Variants in VAV3 observed in about 807,000 individuals in gnomAD.
The protein encoded by VAV3 is vav guanine nucleotide exchange factor 3.
In VAV3, 94 loss-of-function variants were observed where a neutral mutation model predicts 131.2. The ratio of observed to expected loss-of-function variants is 0.72; its 90% CI spans 0.61 to 0.85. The LOEUF is 0.85. Among genes scored for constraint, VAV3 ranks in the 40% least tolerant of loss-of-function variants. The probability of loss-of-function intolerance (pLI) is 0.00; values close to 1 mark genes in which losing one functional copy is unlikely to be tolerated. For synonymous variants in VAV3, 349 were observed against 342.0 expected (o/e 1.02, Z -0.22); for missense variants, 939 against 1,002.7 (o/e 0.94, Z 0.86).
intron 1 of VAV3, among the ~76,000 whole-genome samples, chr1:107,912,209 A>C (rs1454984941): frequency 6.6e-6 from 1 of 152,216 alleles, no homozygotes; most frequent in Admixed American, 6.5e-5. Context: ...AAAAAATAAC[A>C]ACTTCAAAGG....
chr1:107,652,359 C>A (rs1281925892), intron 19 of VAV3, among the ~76,000 whole-genome samples: 2 of 152,106 alleles, frequency 1.3e-5, no homozygotes, highest in African/African-American at 4.8e-5. Flanking sequence ...GAAATAACCA[C>A]AAAAATGGCC....
At chr1:107,575,008 C>T (rs879630091) in intron 25 of VAV3, among the ~76,000 whole-genome samples, 6,410 of 31,768 alleles carry the variant, frequency 0.2, 218 homozygotes, top group East Asian at 0.26. Context: ...CGTGCGCGCG[C>T]GCGCGCGCAC....
At chr1:107,691,227 A>G (rs1405134431) in intron 17 of VAV3, among the ~76,000 whole-genome samples, 6 of 152,194 alleles carry the variant, frequency 3.9e-5, no homozygotes, top group Admixed American at 3.3e-4. Flanking sequence ...CAACTGCAAC[A>G]CTGAAAATAC....
intron 1 of VAV3, among the ~76,000 whole-genome samples, chr1:107,951,346 G>T (rs966176960): frequency 6.6e-5 from 10 of 152,138 alleles, no homozygotes; most frequent in Admixed American, 2.0e-4. Context: ...GCAAAAGCCT[G>T]ACTCCCAGAT....
intron 2 of VAV3, among the ~76,000 whole-genome samples, chr1:107,792,602 G>C (rs984374977): frequency 6.6e-6 from 1 of 152,178 alleles, no homozygotes; most frequent in Non-Finnish European, 1.5e-5. Flanking sequence ...AGTAAGTTGA[G>C]TCTGTAGCAT....
At chr1:107,807,334 A>T (rs1310107399) in intron 2 of VAV3, among the ~76,000 whole-genome samples, 1 of 152,130 alleles carries the variant, frequency 6.6e-6, no homozygotes, top group African/African-American at 2.4e-5. Flanking sequence ...TTAGAACCCA[A>T]CTCTGCTGCT....
chr1:107,750,320 T>G (rs1663632382), intron 13 of VAV3, among the ~76,000 whole-genome samples: 1 of 152,252 alleles, frequency 6.6e-6, no homozygotes, highest in Non-Finnish European at 1.5e-5. Context: ...TGTTAATATT[T>G]CTTTTTTCTT....
At chr1:107,575,335 C>T (rs1196917795) in intron 25 of VAV3, among the ~76,000 whole-genome samples, 1 of 152,106 alleles carries the variant, frequency 6.6e-6, no homozygotes, top group Non-Finnish European at 1.5e-5. Flanking sequence ...TTTAACAGTT[C>T]CCAGGGCTCA....
chr1:107,675,359 C>A (rs1658127017), intron 19 of VAV3, among the ~76,000 whole-genome samples: 1 of 152,100 alleles, frequency 6.6e-6, no homozygotes, highest in Non-Finnish European at 1.5e-5. Context: ...ACTATTACTT[C>A]CATTTTAGAG....
At chr1:107,962,302 C>A (rs547184510) in intron 1 of VAV3, among the ~76,000 whole-genome samples, 3 of 151,692 alleles carry the variant, frequency 2.0e-5, no homozygotes, top group South Asian at 2.1e-4. Flanking sequence ...CAGCTAGAAC[C>A]TTTCCCAAGA....
At chr1:107,653,483 C>T (rs1656320405) in intron 19 of VAV3, among the ~76,000 whole-genome samples, 1 of 151,990 alleles carries the variant, frequency 6.6e-6, no homozygotes, top group South Asian at 2.1e-4. Flanking sequence ...TTCTATGAGT[C>T]CACTTTCAAA....
intron 10 of VAV3, among the ~76,000 whole-genome samples, chr1:107,759,108 T>G (rs1664277136): frequency 6.6e-6 from 1 of 152,200 alleles, no homozygotes; most frequent in Non-Finnish European, 1.5e-5. Flanking sequence ...GTGTTATACT[T>G]GGCAGCTTAT....
intron 10 of VAV3, among the ~76,000 whole-genome samples, chr1:107,759,210 C>T (rs1356635692): frequency 6.6e-6 from 1 of 152,110 alleles, no homozygotes; most frequent in African/African-American, 2.4e-5. Flanking sequence ...CACAGAGAAG[C>T]CATACAAAAA....
At chr1:107,880,373 G>A (rs776939079) in intron 1 of VAV3, among the ~76,000 whole-genome samples, 3 of 152,162 alleles carry the variant, frequency 2.0e-5, no homozygotes, top group Admixed American at 1.3e-4. Flanking sequence ...CAGTGGAAGC[G>A]GTTGAGATGG....
At chr1:107,672,476 G>A (rs1657889512) in intron 19 of VAV3, among the ~76,000 whole-genome samples, 2 of 151,812 alleles carry the variant, frequency 1.3e-5, no homozygotes, top group Non-Finnish European at 2.9e-5. Flanking sequence ...ATAAGTAGGT[G>A]TTTAATAAGT....
intron 2 of VAV3, among the ~76,000 whole-genome samples, chr1:107,847,060 AT>A (rs1022383614): frequency 1.3e-5 from 2 of 152,160 alleles, no homozygotes; most frequent in Admixed American, 6.5e-5. Context: ...AATGGAAATC[AT>A]AAAAAACAGT....
intron 2 of VAV3, among the ~76,000 whole-genome samples, chr1:107,805,257 C>T (rs182980071): frequency 6.6e-6 from 1 of 152,234 alleles, no homozygotes; most frequent in Admixed American, 6.5e-5. Context: ...CTACTCCTCG[C>T]TCTTCTTCAA....
chr1:107,687,251 T>C (rs1406991138), intron 18 of VAV3, among the ~76,000 whole-genome samples: 1 of 152,178 alleles, frequency 6.6e-6, no homozygotes, highest in Non-Finnish European at 1.5e-5. Context: ...ATTAGGTGCA[T>C]ATGAGCCTCT....
chr1:107,686,034 T>TGGGGGGGGGGGGGGGGGGGGGG (rs554715740), intron 18 of VAV3: 14 of 85,098 alleles, frequency 1.6e-4, no homozygotes, highest in African/African-American at 2.8e-4. Flanking sequence ...GTTGGGGGGG[T>TGGGGGGGGGGGGGGGGGGGGGG]GGGGGGGGAG....
Sources: gnomAD v4.1 joint callset for allele counts (sites outside exome capture counted in the v4.1 genomes callset) on GRCh38, gnomAD v4.1.1 for gene constraint, MANE v1.5 for transcripts, NCBI Gene and HGNC (gene_info 2026-07-23, HGNC 2026-07-21) for gene names.